The following PDHX variants were observed in gnomAD, a reference collection of about 807,000 sequenced individuals.
PDHX encodes the protein pyruvate dehydrogenase protein X component, mitochondrial.
Under a neutral mutation model 55.3 loss-of-function variants are expected in PDHX, and 33 were observed. That is an observed-to-expected ratio of 0.60 (90% CI 0.45 to 0.80). The LOEUF is 0.80. Ranked by LOEUF, PDHX falls within the 30% of genes least tolerant of loss-of-function variation. PDHX has a pLI of 0.00. For missense variants in PDHX, 622 were observed against 619.9 expected, an observed-to-expected ratio of 1.00 and a Z score of -0.04; for synonymous variants, 226 against 219.4, an observed-to-expected ratio of 1.03 and a Z score of -0.27.
chr11:34,978,213 T>C (rs750814248), intron 8 of PDHX, 31 bp downstream of exon 8: 1 of 1,279,238 alleles, frequency 7.8e-7, no homozygotes. Context: ...GATTTTGTCT[T>C]CTTAAGTAGT....
chr11:34,934,613 T>C (rs1011750543), intron 2 of PDHX, among the ~76,000 whole-genome samples: 11 of 141,620 alleles, frequency 7.8e-5, no homozygotes, highest in Non-Finnish European at 1.5e-4. Flanking sequence ...GGTCTCACTC[T>C]GTTGCCCAGC....
intron 1 of PDHX, among the ~76,000 whole-genome samples, chr11:34,924,639 T>G (rs745742942): frequency 6.6e-6 from 1 of 152,214 alleles, no homozygotes; most frequent in African/African-American, 2.4e-5. Flanking sequence ...GGCAGTTTGA[T>G]TCCAGTACCT....
chr11:34,951,937 C>A (rs1472267389), intron 3 of PDHX, among the ~76,000 whole-genome samples: 8 of 152,056 alleles, frequency 5.3e-5, no homozygotes, highest in Non-Finnish European at 1.2e-4. Context: ...TTTCCTAGCA[C>A]CATTTATTAA....
intron 3 of PDHX, among the ~76,000 whole-genome samples, chr11:34,950,345 A>T (rs1163466349): frequency 1.3e-5 from 2 of 150,498 alleles, no homozygotes; most frequent in African/African-American, 4.9e-5. Flanking sequence ...TTCTTTTTTT[A>T]ATGTTTGTTT....
At chr11:34,965,757 AAAT>A (rs1172671433) in intron 5 of PDHX, among the ~76,000 whole-genome samples, 1 of 152,186 alleles carries the variant, frequency 6.6e-6, no homozygotes, top group Non-Finnish European at 1.5e-5. Flanking sequence ...ATTTTTGGAA[AAAT>A]AATACCAAAA....
chr11:34,980,758 A>G (rs1855492637), intron 8 of PDHX, among the ~76,000 whole-genome samples: 2 of 152,104 alleles, frequency 1.3e-5, no homozygotes, highest in African/African-American at 4.8e-5. Context: ...CCAAGTGGAA[A>G]ATTCATCTCA....
At chr11:34,930,786 G>A (rs11605993) in intron 1 of PDHX, among the ~76,000 whole-genome samples, 33,816 of 152,074 alleles carry the variant, frequency 0.22, 4,927 homozygotes, top group Non-Finnish European at 0.34. Flanking sequence ...GTTGAATTGT[G>A]GTATGCAACA....
At chr11:34,992,438 A>T in intron 10 of PDHX, 59 bp downstream of exon 10, 2 of 854,932 alleles carry the variant, frequency 2.3e-6, no homozygotes, top group Non-Finnish European at 2.0e-6. Flanking sequence ...AGACTTATAA[A>T]GTCCCTGTCA....
At chr11:34,990,023 G>T (rs1243569620) in intron 9 of PDHX, among the ~76,000 whole-genome samples, 1 of 152,126 alleles carries the variant, frequency 6.6e-6, no homozygotes. Flanking sequence ...TCTGTACTAC[G>T]CATTTACTTC....
At chr11:34,993,505 C>T (rs1461377613) in intron 10 of PDHX, among the ~76,000 whole-genome samples, 2 of 151,990 alleles carry the variant, frequency 1.3e-5, no homozygotes, top group African/African-American at 4.8e-5. Context: ...TCTTTTTTCC[C>T]CATATGGATA....
chr11:34,972,739 A>G (rs2133986202), intron 7 of PDHX, among the ~76,000 whole-genome samples: 1 of 152,198 alleles, frequency 6.6e-6, no homozygotes, highest in Non-Finnish European at 1.5e-5. Context: ...TTTCTCATTT[A>G]TTTATTTTGT....
chr11:34,950,450 G>T, intron 3 of PDHX, among the ~76,000 whole-genome samples: 1 of 150,096 alleles, frequency 6.7e-6, no homozygotes, highest in African/African-American at 2.4e-5. Context: ...ATGTATACAT[G>T]TGCCATGCTG....
intron 7 of PDHX, chr11:34,977,769 A>G (rs1347156435): frequency 2.2e-6 from 1 of 460,512 alleles, no homozygotes; most frequent in East Asian, 6.8e-5. Context: ...TCCTGACTGC[A>G]CACACCACAG....
intron 3 of PDHX, 57 bp downstream of exon 3, chr11:34,947,663 C>A: frequency 8.8e-7 from 1 of 1,135,840 alleles, no homozygotes; most frequent in South Asian, 1.2e-5. Flanking sequence ...GTGGAAAGTT[C>A]ATTGTAGTAA....
At chr11:34,952,947 G>A (rs527873373) in intron 3 of PDHX, among the ~76,000 whole-genome samples, 22 of 151,832 alleles carry the variant, frequency 1.4e-4, no homozygotes, top group East Asian at 3.9e-4. Flanking sequence ...AAACCCCATT[G>A]TCTCAGCCCA....
At chr11:34,916,052 G>C (rs1758500302), upstream of PDHX, 1 of 807,616 alleles carries the variant, frequency 1.2e-6, no homozygotes, top group Non-Finnish European at 1.9e-6. Flanking sequence ...CTGGGGCCTC[G>C]CAGCCTTGCT....
In PDHX at chr11:34,934,520, A is replaced by G. The variant is rs191351944; in HGVS notation, c.241+3036A>G. Among the ~76,000 whole-genome samples the G allele has an allele frequency of 1.4e-4, 22 of 152,206 alleles. 1 individual carries two copies. The East Asian group carries it at 3.5e-3, about 24-fold the overall frequency. On this transcript the variant is annotated intron_variant, in intron 2 of 10. Transcript: ENST00000227868. ...AATTTTAATTATGATTCAAGCAAACAAAACACATGCGGACATTTGAAAACT... is the reference window on the plus strand; with the variant it reads ...AATTTTAATTATGATTCAAGCAAACGAAACACATGCGGACATTTGAAAACT...
chr11:34,936,368 A>T (rs1354896711), intron 2 of PDHX, among the ~76,000 whole-genome samples: 2 of 152,186 alleles, frequency 1.3e-5, no homozygotes, highest in East Asian at 1.9e-4. Context: ...AATGACTAAC[A>T]TCGTAATTGG....
Position 34,918,418 on chromosome 11 carries a change from C to T in PDHX, c.160+1603C>T, listed in dbSNP as rs1486595149. Among the ~76,000 whole-genome samples, 5 of 147,318 alleles carry T rather than the reference C, an allele frequency of 3.4e-5. No individual in the cohort carries two copies. The East Asian group carries it at 1.0e-3, about 29-fold the overall frequency. Reference sequence around the variant, plus strand: ...TGCCGCTGCACTTTAGCCTGGGTGACAGAGTGAGACCCTGTCTCAGGAGAA... The same window carrying T: ...TGCCGCTGCACTTTAGCCTGGGTGATAGAGTGAGACCCTGTCTCAGGAGAA... On this transcript the variant is annotated intron_variant, in intron 1 of 10. Coordinates refer to ENST00000227868, the MANE Select transcript of PDHX (RefSeq NM_003477.3).
Sources: gnomAD v4.1 joint callset for allele counts (sites outside exome capture counted in the v4.1 genomes callset) on GRCh38, gnomAD v4.1.1 for gene constraint, MANE v1.5 for transcripts, NCBI Gene and HGNC (gene_info 2026-07-23, HGNC 2026-07-21) for gene names.